The following KCNIP4 variants were observed in gnomAD, a reference collection of about 807,000 sequenced individuals.
KCNIP4 encodes potassium voltage-gated channel interacting protein 4, also known as Kv channel-interacting protein 4.
In KCNIP4, 12 loss-of-function variants were observed where a neutral mutation model predicts 34.0. That is an observed-to-expected ratio of 0.35 (90% CI 0.23 to 0.57). The LOEUF (loss-of-function observed/expected upper bound fraction) is 0.57. Among genes scored for constraint, KCNIP4 ranks in the 20% least tolerant of loss-of-function variants. The probability of loss-of-function intolerance (pLI) is 0.83; values close to 1 mark genes in which losing one functional copy is unlikely to be tolerated. For synonymous variants in KCNIP4, 124 were observed against 102.2 expected (o/e 1.21, Z -1.29); for missense variants, 238 against 311.7 (o/e 0.76, Z 1.78).
intron 1 of KCNIP4, among the ~76,000 whole-genome samples, chr4:21,496,325 T>C (rs1052500935): frequency 7.2e-5 from 11 of 152,034 alleles, no homozygotes; most frequent in African/African-American, 2.7e-4. Flanking sequence ...TGGCTTGTAA[T>C]AAGACTGAAT....
intron 1 of KCNIP4, among the ~76,000 whole-genome samples, chr4:21,248,381 C>CTT (rs1210092631): frequency 3.3e-5 from 5 of 152,058 alleles, no homozygotes; most frequent in Admixed American, 3.3e-4. Flanking sequence ...TAAAGATCGT[C>CTT]TTTAAAATTA....
intron 1 of KCNIP4, among the ~76,000 whole-genome samples, chr4:21,839,817 G>A (rs555301471): frequency 9.2e-5 from 14 of 152,158 alleles, no homozygotes; most frequent in Admixed American, 2.6e-4. Flanking sequence ...TGAAGAATGC[G>A]GACCAATGCT....
intron 1 of KCNIP4, among the ~76,000 whole-genome samples, chr4:21,459,563 C>G (rs1386700320): frequency 1.3e-5 from 2 of 151,994 alleles, no homozygotes; most frequent in Non-Finnish European, 2.9e-5. Flanking sequence ...TAGGACCTCT[C>G]TCCTGCCCTC....
intron 3 of KCNIP4, among the ~76,000 whole-genome samples, chr4:20,818,734 A>G (rs1182283146): frequency 6.6e-6 from 1 of 152,144 alleles, no homozygotes; most frequent in Non-Finnish European, 1.5e-5. Flanking sequence ...AACCTAATGT[A>G]CTATAGATAA....
intron 8 of KCNIP4, 35 bp from the exon 9 acceptor site, chr4:20,730,164 C>CATATCTGCAAGGAAAAGTACACTA: frequency 3.2e-6 from 5 of 1,584,612 alleles, no homozygotes; most frequent in Non-Finnish European, 4.3e-6. Flanking sequence ...TTAAATTCAG[C>CATATCTGCAAGGAAAAGTACACTA]ATATCTGCAA....
intron 1 of KCNIP4, among the ~76,000 whole-genome samples, chr4:21,393,179 A>G (rs899153214): frequency 5.3e-5 from 8 of 151,768 alleles, no homozygotes; most frequent in African/African-American, 1.7e-4. Context: ...TTATTAGAAA[A>G]CTCTCTTTCA....
At chr4:21,333,665 T>C (rs1228192568) in intron 1 of KCNIP4, among the ~76,000 whole-genome samples, 1 of 151,832 alleles carries the variant, frequency 6.6e-6, no homozygotes, top group Admixed American at 6.6e-5. Flanking sequence ...CATTTAACCA[T>C]TAAATTTTTT....
chr4:21,826,402 A>G (rs868808584), intron 1 of KCNIP4, among the ~76,000 whole-genome samples: 4 of 152,200 alleles, frequency 2.6e-5, no homozygotes, highest in African/African-American at 9.6e-5. Flanking sequence ...ATTCACTTCT[A>G]AAACCCTTTA....
intron 1 of KCNIP4, among the ~76,000 whole-genome samples, chr4:21,375,881 C>T (rs1720920526): frequency 6.6e-6 from 1 of 152,090 alleles, no homozygotes; most frequent in African/African-American, 2.4e-5. Context: ...CATTGTTACC[C>T]TTTTTGATAC....
chr4:20,841,746 CT>C (rs1380855139), intron 3 of KCNIP4, among the ~76,000 whole-genome samples: 1 of 97,092 alleles, frequency 1.0e-5, no homozygotes, highest in Non-Finnish European at 2.3e-5. Context: ...CCAGGGCCAT[CT>C]TAAAAAAAAA....
chr4:21,693,466 CAG>C (rs1413878706), intron 1 of KCNIP4, among the ~76,000 whole-genome samples: 3 of 151,914 alleles, frequency 2.0e-5, no homozygotes, highest in Non-Finnish European at 4.4e-5. Context: ...GAGGCTGAGG[CAG>C]AGAGAATTGA....
At chr4:20,980,810 A>T (rs1735992833) in intron 1 of KCNIP4, among the ~76,000 whole-genome samples, 1 of 118,634 alleles carries the variant, frequency 8.4e-6, no homozygotes, top group South Asian at 2.4e-4. Context: ...TCTCCACCAT[A>T]AAAAAAAAAA....
chr4:20,918,622 G>A (rs1047157862), intron 1 of KCNIP4, among the ~76,000 whole-genome samples: 3 of 152,042 alleles, frequency 2.0e-5, no homozygotes, highest in East Asian at 3.9e-4. Context: ...ACTGGAATTC[G>A]GCAGTGAACA....
chr4:20,866,677 G>T (rs1380972255), intron 2 of KCNIP4, among the ~76,000 whole-genome samples: 4 of 152,028 alleles, frequency 2.6e-5, no homozygotes, highest in Non-Finnish European at 5.9e-5. Context: ...GTGAGAGAAA[G>T]AAATAAAAGG....
chr4:21,597,249 A>G (rs1404930515), intron 1 of KCNIP4, among the ~76,000 whole-genome samples: 1 of 152,044 alleles, frequency 6.6e-6, no homozygotes, highest in East Asian at 1.9e-4. Context: ...TGATGGTTTT[A>G]TAAGGGGAAA....
intron 1 of KCNIP4, among the ~76,000 whole-genome samples, chr4:21,569,938 C>G (rs73109849): frequency 0.058 from 8,788 of 151,988 alleles, 551 homozygotes; most frequent in East Asian, 0.18. Context: ...CTCAGAGGGG[C>G]TCTGCTGTGT....
rs73112233 is a variant in KCNIP4 at position 20,801,080 on chromosome 4, G to C, written c.289-42190C>G. 4.6e-5 allele frequency among the ~76,000 whole-genome samples: 7 copies of C among 152,258 alleles called. No homozygotes were observed. The South Asian group carries it at 1.4e-3, about 31-fold the overall frequency. On this transcript the variant is annotated intron_variant, in intron 3 of 8. Transcript: ENST00000382152. ...AGGGAATCTCCATTAGAATATATCA[G>C]TAGATTTCTCAACAGAAACTTTGCA...
chr4:21,758,748 G>GTTTCTGCCTGCTTCT (rs369630998), intron 1 of KCNIP4, among the ~76,000 whole-genome samples: 74,691 of 151,578 alleles, frequency 0.49, 20,305 homozygotes, highest in Non-Finnish European at 0.63. Flanking sequence ...GCCATATATG[G>GTTTCTGCCTGCTTCT]GCTGCTTCTG....
chr4:21,820,047 A>C (rs1722234611), intron 1 of KCNIP4, among the ~76,000 whole-genome samples: 1 of 151,982 alleles, frequency 6.6e-6, no homozygotes, highest in Non-Finnish European at 1.5e-5. Context: ...TTCATTAAAA[A>C]TAATGAATTG....
Sources: allele counts gnomAD v4.1 joint callset (sites outside exome capture counted in the v4.1 genomes callset), GRCh38; gene constraint gnomAD v4.1.1; transcripts MANE v1.5; gene names NCBI Gene and HGNC (gene_info 2026-07-23, HGNC 2026-07-21).